Variants in ZNF730 observed in about 807,000 individuals in gnomAD.
The protein encoded by ZNF730 is putative zinc finger protein 730.
ZNF730 carries 12 observed loss-of-function variants against 12.6 expected under a neutral mutation model. The ratio of observed to expected loss-of-function variants is 0.95; its 90% CI spans 0.61 to 1.54. ZNF730 has a LOEUF of 1.54. Among genes scored for constraint, ZNF730 ranks in the 40% most tolerant of loss-of-function variants. The pLI is 0.00. For synonymous variants in ZNF730, 194 were observed against 195.8 expected (o/e 0.99, Z 0.08); for missense variants, 643 against 583.5 (o/e 1.10, Z -1.05).
intron 2 of ZNF730, among the ~76,000 whole-genome samples, chr19:23,135,498 ATTTCT>A (rs1272503100): frequency 3.3e-5 from 5 of 151,930 alleles, no homozygotes; most frequent in Non-Finnish European, 5.9e-5. Flanking sequence ...ATATTTAGAA[ATTTCT>A]TTTCTTTATT....
chr19:23,111,487 C>T (rs1328718502), intron 1 of ZNF730, among the ~76,000 whole-genome samples: 1 of 152,172 alleles, frequency 6.6e-6, no homozygotes, highest in Non-Finnish European at 1.5e-5. Flanking sequence ...TGGCTTATGC[C>T]TGTAATCCCA....
chr19:23,127,806 C>T, intron 1 of ZNF730: 3 of 718,264 alleles, frequency 4.2e-6, no homozygotes, highest in South Asian at 3.0e-5. Flanking sequence ...GGCTGCTCCA[C>T]AGGATGATAG....
At chr19:23,116,511 A>G (rs992630581), upstream of ZNF730, among the ~76,000 whole-genome samples, 4 of 143,202 alleles carry the variant, frequency 2.8e-5, no homozygotes, top group East Asian at 8.5e-4. Flanking sequence ...GGTTCAAGCG[A>G]TTCCCCTGCC....
At chr19:23,106,304 C>T (rs1228403160) in intron 1 of ZNF730, among the ~76,000 whole-genome samples, 1 of 152,096 alleles carries the variant, frequency 6.6e-6, no homozygotes, top group South Asian at 2.1e-4. Flanking sequence ...CTGTGTGGTA[C>T]TCTGAAGATG....
At chr19:23,095,597 C>T (rs566417424) in intron 1 of ZNF730, 26 of 395,052 alleles carry the variant, frequency 6.6e-5, no homozygotes, top group Non-Finnish European at 1.1e-4. Context: ...ACTAAGATGA[C>T]ATCATTCTTT....
intron 1 of ZNF730, among the ~76,000 whole-genome samples, chr19:23,107,379 A>T (rs762586052): frequency 2.3e-5 from 3 of 131,664 alleles, no homozygotes; most frequent in Non-Finnish European, 3.1e-5. Context: ...GACTTATGAC[A>T]CCCACCTCAG....
chr19:23,098,912 A>G (rs904365252), intron 1 of ZNF730, among the ~76,000 whole-genome samples: 2 of 152,190 alleles, frequency 1.3e-5, no homozygotes, highest in African/African-American at 4.8e-5. Flanking sequence ...CTAGGCTTAG[A>G]AAAAGGGGTA....
chr19:23,117,981 AT>A (rs887535996), intron 1 of ZNF730, among the ~76,000 whole-genome samples: 34 of 150,916 alleles, frequency 2.3e-4, no homozygotes, highest in African/African-American at 7.8e-4. Flanking sequence ...GATCTTCTGC[AT>A]TTTTTTTTCA....
At chr19:23,139,533 G>GT (rs1218011553) in intron 3 of ZNF730, among the ~76,000 whole-genome samples, 1 of 151,482 alleles carries the variant, frequency 6.6e-6, no homozygotes, top group Non-Finnish European at 1.5e-5. Context: ...TTTATTTTTT[G>GT]TTTTTTTCTG....
intron 1 of ZNF730, among the ~76,000 whole-genome samples, chr19:23,106,626 T>C (rs1371323637): frequency 6.6e-6 from 1 of 151,936 alleles, no homozygotes; most frequent in African/African-American, 2.4e-5. Context: ...ACCCCATCTC[T>C]ACAAAAAACA....
chr19:23,114,243 C>T (rs80320937), upstream of ZNF730, among the ~76,000 whole-genome samples: 588 of 151,802 alleles, frequency 3.9e-3, 17 homozygotes, highest in East Asian at 0.079. Flanking sequence ...TTGCAAATCC[C>T]TCTTTGCCCA....
At chr19:23,091,624 C>A (rs1970161829) in intron 1 of ZNF730, among the ~76,000 whole-genome samples, 1 of 152,192 alleles carries the variant, frequency 6.6e-6, no homozygotes, top group African/African-American at 2.4e-5. Context: ...CAAAGGAGAT[C>A]ATTTTGGAGC....
At chr19:23,139,258 G>A (rs1014574077) in intron 3 of ZNF730, among the ~76,000 whole-genome samples, 1 of 151,824 alleles carries the variant, frequency 6.6e-6, no homozygotes, top group Non-Finnish European at 1.5e-5. Flanking sequence ...ATTTAGCATT[G>A]TAAAGCTATT....
chr19:23,111,623 C>T lies in ZNF730; in HGVS notation c.-93-22457C>T, dbSNP rs1970461436. Among the ~76,000 whole-genome samples the T allele has an allele frequency of 2.0e-5, 3 of 152,142 alleles. No individual in the cohort carries two copies. In the South Asian group the frequency reaches 6.2e-4, roughly 32 times the overall value. ...AATTAGCCGGGCATGGTGGTGCATG[C>T]CTGTAGTCCCAGCTACTCGGGAGGC... On this transcript the variant is annotated intron_variant, in intron 1 of 2. Coordinates refer to the ZNF730 transcript ENST00000593635.
At chr19:23,098,862 A>C (rs1599577358) in intron 1 of ZNF730, among the ~76,000 whole-genome samples, 1 of 152,154 alleles carries the variant, frequency 6.6e-6, no homozygotes, top group South Asian at 2.1e-4. Context: ...TGACTCTAAT[A>C]CTTTGTACCA....
intron 1 of ZNF730, among the ~76,000 whole-genome samples, chr19:23,120,657 T>A (rs917561225): frequency 6.6e-6 from 1 of 152,150 alleles, no homozygotes; most frequent in African/African-American, 2.4e-5. Flanking sequence ...TTCAAAAGAT[T>A]TAACTCAATA....
At chr19:23,104,725 G>A (rs1464039055) in intron 1 of ZNF730, among the ~76,000 whole-genome samples, 1 of 152,152 alleles carries the variant, frequency 6.6e-6, no homozygotes, top group African/African-American at 2.4e-5. Context: ...GAAAGGGTAT[G>A]CTTCCCTTTA....
intron 3 of ZNF730, among the ~76,000 whole-genome samples, chr19:23,138,282 CAAA>C (rs1315758966): frequency 7.4e-4 from 7 of 9,458 alleles, no homozygotes; most frequent in African/African-American, 1.8e-3. Context: ...GACTCCGTCT[CAAA>C]AAAAAAAAAA....
intron 3 of ZNF730, among the ~76,000 whole-genome samples, chr19:23,138,282 C>CAAAAAAAAAAAAAAAA (rs1315758966): frequency 2.1e-4 from 2 of 9,458 alleles, no homozygotes; most frequent in African/African-American, 5.2e-4. Context: ...GACTCCGTCT[C>CAAAAAAAAAAAAAAAA]AAAAAAAAAA....
Sources: gnomAD v4.1 joint callset for allele counts (sites outside exome capture counted in the v4.1 genomes callset) on GRCh38, gnomAD v4.1.1 for gene constraint, MANE v1.5 for transcripts, NCBI Gene and HGNC (gene_info 2026-07-23, HGNC 2026-07-21) for gene names.